Variants in PTK2 observed in about 807,000 individuals in gnomAD.
The protein encoded by PTK2 is focal adhesion kinase 1.
In PTK2, 45 loss-of-function variants were observed where a neutral mutation model predicts 150.1. That is an observed-to-expected ratio of 0.30 (90% CI 0.24 to 0.38). PTK2 has a LOEUF of 0.38. Ranked by LOEUF, PTK2 falls within the 10% of genes least tolerant of loss-of-function variation. The pLI is 1.00. For missense variants in PTK2, 919 were observed against 1,307.3 expected, an observed-to-expected ratio of 0.70 and a Z score of 4.58; for synonymous variants, 432 against 449.2, an observed-to-expected ratio of 0.96 and a Z score of 0.48.
chr8:140,830,580 T>C (rs2154602913), intron 7 of PTK2, 54 bp from the exon 8 acceptor site: 2 of 1,043,614 alleles, frequency 1.9e-6, no homozygotes, highest in Non-Finnish European at 2.8e-6. Context: ...TCAATTAATA[T>C]GACAAACTTG....
At chr8:140,830,475 G>T in exon 8 of PTK2, 2 of 1,533,004 alleles carry the variant, frequency 1.3e-6, no homozygotes, top group South Asian at 2.5e-5. Context: ...TAATTACCTT[G>T]ACAGAATCCA....
intron 1 of PTK2, among the ~76,000 whole-genome samples, chr8:140,927,965 A>G (rs1339536717): frequency 1.2e-5 from 1 of 82,524 alleles, no homozygotes. Context: ...AAAGAAAAAA[A>G]AAAAAAAAAA....
chr8:140,711,881 T>C (rs1023097475), intron 23 of PTK2, among the ~76,000 whole-genome samples: 12 of 152,230 alleles, frequency 7.9e-5, no homozygotes, highest in East Asian at 5.8e-4. Flanking sequence ...TATTCCTCCA[T>C]TGATATTTTG....
intron 26 of PTK2, among the ~76,000 whole-genome samples, chr8:140,692,127 T>C (rs1257139265): frequency 6.6e-6 from 1 of 152,206 alleles, no homozygotes; most frequent in Non-Finnish European, 1.5e-5. Flanking sequence ...AATTCCCTAA[T>C]GTGGTATTTT....
At chr8:140,927,975 AATATAT>A (rs1179717665) in intron 1 of PTK2, among the ~76,000 whole-genome samples, 1 of 48,196 alleles carries the variant, frequency 2.1e-5, no homozygotes, top group African/African-American at 9.8e-5. Context: ...AAAAAAAAAA[AATATAT>A]ATATATATAT....
chr8:140,838,932 G>A (rs896286914), intron 7 of PTK2, among the ~76,000 whole-genome samples: 3 of 151,858 alleles, frequency 2.0e-5, no homozygotes, highest in Middle Eastern at 3.4e-3. Flanking sequence ...TGTGAACCCA[G>A]GAGGCGGAGC....
intron 26 of PTK2, among the ~76,000 whole-genome samples, chr8:140,697,177 G>A (rs1451009350): frequency 6.8e-6 from 1 of 147,798 alleles, no homozygotes; most frequent in African/African-American, 2.5e-5. Flanking sequence ...AGGTACTTGA[G>A]TGGGAAAGTG....
chr8:140,711,338 C>T (rs768112877), intron 23 of PTK2, among the ~76,000 whole-genome samples: 54 of 152,302 alleles, frequency 3.5e-4, no homozygotes, highest in Non-Finnish European at 6.8e-4. Flanking sequence ...AACTACTGGC[C>T]TCAAGTGATC....
intron 11 of PTK2, among the ~76,000 whole-genome samples, chr8:140,800,867 T>C (rs909635868): frequency 6.6e-5 from 10 of 152,174 alleles, no homozygotes; most frequent in Admixed American, 6.5e-5. Context: ...GTCTGGCCCC[T>C]CTGGCATACT....
intron 7 of PTK2, among the ~76,000 whole-genome samples, chr8:140,842,555 C>T (rs1315170531): frequency 6.6e-6 from 1 of 152,068 alleles, no homozygotes; most frequent in Non-Finnish European, 1.5e-5. Flanking sequence ...CGTTTGGAAA[C>T]AGACACCAAG....
chr8:140,803,599 T>C, exon 11 of PTK2: 1 of 1,614,164 alleles, frequency 6.2e-7, no homozygotes, highest in Non-Finnish European at 8.5e-7. Context: ...TTGTCTTCAC[T>C]GTTTGAATAC....
Position 140,724,969 on chromosome 8 carries a change from A to G in PTK2, c.2031-7260T>C, listed in dbSNP as rs182800916. ...AGTGATGCTGGAGATTATGGCCTTT[A>G]GTCTCCAGGTGGACTGGAAATCCAG... On this transcript the variant is annotated intron_variant, in intron 22 of 31. Transcript: ENST00000522684. Among the ~76,000 whole-genome samples the G allele has an allele frequency of 1.3e-3, 198 of 152,342 alleles. 1 individual carries two copies. The highest frequency in any genetic ancestry group is 4.6e-3 in the African/African-American group (192 of 41,568).
rs201127832 is a variant in PTK2, at chr8:140,802,421, ATTG to A, written c.975+1119_975+1121del. On this transcript the variant is annotated intron_variant, in intron 11 of 31. Coordinates refer to ENST00000522684, the Ensembl canonical transcript of PTK2. ...CAGCTGTACAATATATTTAAAATTA[ATTG>A]TTATTACAAGAGTCAAAAAAGCCGA... is the stretch of plus-strand genomic sequence containing the variant. Among the ~76,000 whole-genome samples the A allele has an allele frequency of 3.0e-4, 45 of 152,338 alleles. No homozygotes were observed. In the East Asian group the frequency reaches 7.5e-3, roughly 25 times the overall value.
intron 13 of PTK2, among the ~76,000 whole-genome samples, chr8:140,792,007 C>G (rs1400351751): frequency 6.6e-6 from 1 of 152,166 alleles, no homozygotes; most frequent in Non-Finnish European, 1.5e-5. Flanking sequence ...CTTCCTCAAG[C>G]TGTAGCACAG....
At chr8:140,785,399 A>T (rs541204445) in intron 14 of PTK2, among the ~76,000 whole-genome samples, 24 of 152,348 alleles carry the variant, frequency 1.6e-4, no homozygotes, top group African/African-American at 4.8e-4. Context: ...TTTGTGGACA[A>T]GATGGTTTCT....
intron 7 of PTK2, among the ~76,000 whole-genome samples, chr8:140,836,144 G>C (rs1159273541): frequency 6.6e-5 from 10 of 152,078 alleles, no homozygotes. Flanking sequence ...TATTAGAAGT[G>C]TTTTGGGTCT....
chr8:140,804,048 G>C (rs574015889), intron 10 of PTK2, among the ~76,000 whole-genome samples: 1 of 152,290 alleles, frequency 6.6e-6, no homozygotes, highest in South Asian at 2.1e-4. Context: ...CAAAGAAAGA[G>C]GGGATCTGGG....
chr8:140,997,443 T>G (rs897960917), intron 1 of PTK2, among the ~76,000 whole-genome samples: 5 of 152,238 alleles, frequency 3.3e-5, no homozygotes, highest in African/African-American at 1.2e-4. Flanking sequence ...TCACATACTC[T>G]GGAGAAATCT....
chr8:140,666,086 C>T lies in PTK2; in HGVS notation c.2866-1089G>A, dbSNP rs113455357. ...GGCGCAGTGGCTCATGCCTGTAATC[C>T]CAGGACTTTGGGAGGCCGAGGCAGG... is the stretch of plus-strand genomic sequence containing the variant. On this transcript the variant is annotated intron_variant, in intron 30 of 31. Transcript: ENST00000522684. Among the ~76,000 whole-genome samples, 386 of 152,234 alleles carry T rather than the reference C, an allele frequency of 2.5e-3. 7 individuals carry two copies. The highest frequency in any genetic ancestry group is 8.7e-3 in the African/African-American group (362 of 41,554).
Sources: gnomAD v4.1 joint callset for allele counts (sites outside exome capture counted in the v4.1 genomes callset) on GRCh38, gnomAD v4.1.1 for gene constraint, MANE v1.5 for transcripts, NCBI Gene and HGNC (gene_info 2026-07-23, HGNC 2026-07-21) for gene names.